Variants in CHD8 observed in about 807,000 individuals in gnomAD.
CHD8 encodes chromodomain helicase DNA binding protein 8.
Under a neutral mutation model 279.2 loss-of-function variants are expected in CHD8, and 31 were observed. That is an observed-to-expected ratio of 0.11 (90% confidence interval 0.08 to 0.15). The LOEUF (loss-of-function observed/expected upper bound fraction) is 0.15. CHD8 is among the 10% of genes least tolerant of loss of function. The pLI is 1.00. For synonymous variants in CHD8, 1,081 were observed against 1,139.6 expected (o/e 0.95, Z 1.04); for missense variants, 2,146 against 3,230.5 (o/e 0.66, Z 8.14).
intron 21 of CHD8, 149 bp downstream of exon 21, chr14:21,401,254 C>T: frequency 1.4e-6 from 1 of 729,470 alleles, no homozygotes; most frequent in South Asian, 2.0e-5. Flanking sequence ...TTTTCTGGGG[C>T]CTCCTAGGTA....
chr14:21,451,571 CAAAAAAAAAAAAAAAAA>C (rs969355375), intron 1 of CHD8, among the ~76,000 whole-genome samples: 4 of 31,644 alleles, frequency 1.3e-4, no homozygotes, highest in East Asian at 2.4e-3. Context: ...GACTCTGTCT[CAAAAAAAAAAAAAAAAA>C]AAAAAAAAAA....
chr14:21,414,516 T>C, intron 8 of CHD8, 98 bp from the exon 9 acceptor site: 1 of 671,246 alleles, frequency 1.5e-6, no homozygotes, highest in South Asian at 1.8e-5. Context: ...ACATAACAAA[T>C]ACAGGCTTAA....
At position 21,394,261 on chromosome 14, in the gene CHD8, C is replaced by A; in HGVS notation, c.5599+16G>T. 6.2e-7 allele frequency: 1 copy of A among 1,613,946 alleles called. No homozygotes were observed. Among genetic ancestry groups the A allele is most frequent in the Non-Finnish European group, 8.5e-7 (1 of 1,179,866 alleles). The stretch of plus-strand genomic sequence containing the variant: ...CTGTTGGCATCCATCCTCACCCACT[C>A]TGCAATCTTGCTTACCATCTCCAGC... On this transcript the variant is annotated intron_variant, in intron 31 of 37. Transcript: ENST00000646647.
intron 10 of CHD8, among the ~76,000 whole-genome samples, chr14:21,412,094 AAG>A (rs1212246611): frequency 1.3e-5 from 2 of 152,094 alleles, no homozygotes; most frequent in Non-Finnish European, 2.9e-5. Flanking sequence ...AAAAAGAAAA[AAG>A]AGAAAAATAA....
chr14:21,432,133 TC>T, intron 1 of CHD8, among the ~76,000 whole-genome samples: 1 of 152,244 alleles, frequency 6.6e-6, no homozygotes, highest in Admixed American at 6.5e-5. Flanking sequence ...TTTCTCCGTT[TC>T]TTTTAACAAT....
intron 1 of CHD8, among the ~76,000 whole-genome samples, chr14:21,445,561 C>T (rs1461807656): frequency 6.6e-6 from 1 of 151,684 alleles, no homozygotes; most frequent in African/African-American, 2.4e-5. Context: ...TGGTGGTGTG[C>T]ACCTGTAATC....
At chr14:21,454,162 AAAAAGAAAAG>A (rs60147341) in intron 1 of CHD8, among the ~76,000 whole-genome samples, 6,910 of 127,016 alleles carry the variant, frequency 0.054, 234 homozygotes, top group African/African-American at 0.1. Context: ...CGTCTCAAAA[AAAAAGAAAAG>A]AAAAGAAAAG....
At chr14:21,392,395 T>C in intron 34 of CHD8, 112 bp downstream of exon 34, 1 of 1,095,586 alleles carries the variant, frequency 9.1e-7, no homozygotes, top group Non-Finnish European at 1.3e-6. Flanking sequence ...CTCTGTTTTC[T>C]CATTTTTAAA....
intron 1 of CHD8, among the ~76,000 whole-genome samples, chr14:21,440,864 G>A (rs1168686924): frequency 6.6e-6 from 1 of 152,164 alleles, no homozygotes; most frequent in Non-Finnish European, 1.5e-5. Flanking sequence ...GGGGTGAGAG[G>A]ACAGAGGACA....
chr14:21,444,664 C>A (rs550449160), intron 1 of CHD8, among the ~76,000 whole-genome samples: 1 of 152,080 alleles, frequency 6.6e-6, no homozygotes, highest in African/African-American at 2.4e-5. Context: ...CAGGACACCA[C>A]ACTTTTCAAG....
chr14:21,451,830 T>C (rs1049166164), intron 1 of CHD8, among the ~76,000 whole-genome samples: 6 of 152,104 alleles, frequency 3.9e-5, no homozygotes, highest in Admixed American at 1.3e-4. Context: ...GCAAAAGAAA[T>C]GTTACCTAGA....
intron 37 of CHD8, among the ~76,000 whole-genome samples, chr14:21,388,891 A>T (rs2139435741): frequency 6.6e-6 from 1 of 152,346 alleles, no homozygotes; most frequent in Admixed American, 6.5e-5. Flanking sequence ...TATGTGTATA[A>T]AGATTTCTAT....
chr14:21,441,916 C>T (rs1226706334), intron 1 of CHD8, among the ~76,000 whole-genome samples: 1 of 124,510 alleles, frequency 8.0e-6, no homozygotes, highest in Non-Finnish European at 1.8e-5. Context: ...CAAACAAAAA[C>T]CAAAAAGAAA....
chr14:21,394,505 G>C lies in CHD8; in HGVS notation c.5391-20C>G. The C allele has an allele frequency of 6.7e-7, 1 of 1,491,842 alleles. No homozygotes were observed. The highest frequency in any genetic ancestry group is 1.2e-5 in the South Asian group (1 of 84,676). 92.4% of individuals were successfully genotyped at this position (1,491,842 alleles called of 1,614,324 possible). On this transcript the variant is annotated intron_variant, in intron 30 of 37. Transcript: ENST00000646647. ...GTCCATCTACAAAAGGAAAAGTAGG[G>C]CAACAATAATCAGAAGAACACATCA...
At position 21,430,941 on chromosome 14, in the gene CHD8, C is replaced by A; in HGVS notation, c.703G>T (p.Val235Phe). The A allele has an allele frequency of 3.1e-6, 5 of 1,599,562 alleles. No individual in the cohort carries two copies. The highest frequency in any genetic ancestry group is 4.2e-6 in the Non-Finnish European group (5 of 1,179,792). ...CGGCTGGGCTGGACAATGCGCTGAA[C>A]AGCAGCCTGGTTCCCAGGGACCTTG... ...AAKVPGNQAAVQRIVQPSRPV... is the reference protein window; with the variant it reads ...AAKVPGNQAAFQRIVQPSRPV... Residue 235 changes from valine to phenylalanine, a missense_variant, in exon 2 of 38, where the codon GTT (valine) becomes TTT (phenylalanine). Physicochemically the swap from Val to Phe is conservative, Grantham distance 50. Transcript: ENST00000646647.
At position 21,393,996 on chromosome 14, in the gene CHD8, A is replaced by C; in HGVS notation, c.5799T>G (p.Leu1933=). 1 of 1,613,874 alleles carries C rather than the reference A, an allele frequency of 6.2e-7. No individual in the cohort carries two copies. Among genetic ancestry groups the C allele is most frequent in the Non-Finnish European group, 8.5e-7 (1 of 1,179,840 alleles). The part of the protein sequence containing the change: ...WWEPVRHDGE[L]LRGAARHGVS... Reference sequence around the variant, plus strand: ...CCCCATGGCGGGCTGCCCCTCTTAGAAGCTCCCCATCATGCCGAACAGGCT... The same window carrying C: ...CCCCATGGCGGGCTGCCCCTCTTAGCAGCTCCCCATCATGCCGAACAGGCT... Residue 1933 remains leucine (L), a synonymous_variant, in exon 32 of 38, where the codon CTT becomes CTG. Coordinates refer to ENST00000646647, the MANE Select transcript of CHD8 (RefSeq NM_001170629.2).
Position 21,408,899 on chromosome 14 carries a change from T to A in CHD8, c.2365-74A>T. 7.0e-7 allele frequency: 1 copy of A among 1,433,286 alleles called. No homozygotes were observed. The highest frequency in any genetic ancestry group is 9.5e-7 in the Non-Finnish European group (1 of 1,054,380). 88.8% of individuals were successfully genotyped at this position (1,433,286 alleles called of 1,614,324 possible). On this transcript the variant is annotated intron_variant, in intron 11 of 37. Coordinates refer to ENST00000646647, the MANE Select transcript of CHD8 (RefSeq NM_001170629.2). The surrounding 1 kb of genome is among the most constrained non-coding windows in gnomAD (Gnocchi z 4.3). Reference sequence around the variant, plus strand: ...GTAAGACTTACTAGGTAAGTTCTAATAGTTAAAATCAATTCAAAACAACAT... The same window carrying A: ...GTAAGACTTACTAGGTAAGTTCTAAAAGTTAAAATCAATTCAAAACAACAT...
chr14:21,432,558 TA>T (rs1889607339), intron 1 of CHD8, among the ~76,000 whole-genome samples: 1 of 152,208 alleles, frequency 6.6e-6, no homozygotes, highest in Non-Finnish European at 1.5e-5. Context: ...TACCATCTCT[TA>T]CATATATTTT....
chr14:21,429,936 T>A, intron 2 of CHD8: 1 of 164,972 alleles, frequency 6.1e-6, no homozygotes, highest in South Asian at 1.5e-4. Context: ...CCTGATAGAA[T>A]CTTTTCTATA....
Sources: gnomAD v4.1 joint callset for allele counts (sites outside exome capture counted in the v4.1 genomes callset) on GRCh38, gnomAD v4.1.1 for gene constraint, Gnocchi (gnomAD v3.1) non-coding constraint, MANE v1.5 for transcripts, NCBI Gene and HGNC (gene_info 2026-07-23, HGNC 2026-07-21) for gene names.